The following STX8 variants were observed in gnomAD, a reference collection of about 807,000 sequenced individuals.
STX8 encodes the protein syntaxin 8.
STX8 carries 23 observed loss-of-function variants against 37.5 expected under a neutral mutation model. That is an observed-to-expected ratio of 0.61 (90% confidence interval 0.44 to 0.87). STX8 has a LOEUF of 0.87. Among genes scored for constraint, STX8 ranks in the 40% least tolerant of loss-of-function variants. The pLI, the probability that STX8 is intolerant of heterozygous loss-of-function variation, is 0.00. For missense variants in STX8, 313 were observed against 284.7 expected, an observed-to-expected ratio of 1.10 and a Z score of -0.71; for synonymous variants, 115 against 99.1, an observed-to-expected ratio of 1.16 and a Z score of -0.95.
intron 6 of STX8, among the ~76,000 whole-genome samples, chr17:9,468,861 C>T (rs1338844163): frequency 2.0e-5 from 3 of 152,170 alleles, no homozygotes; most frequent in Admixed American, 6.5e-5. Flanking sequence ...CAAAGCCAGC[C>T]GCTCCCTCTG....
At chr17:9,313,180 A>T (rs1909254023) in intron 7 of STX8, among the ~76,000 whole-genome samples, 1 of 152,116 alleles carries the variant, frequency 6.6e-6, no homozygotes, top group South Asian at 2.1e-4. Flanking sequence ...AACAAGAGTG[A>T]AACTCTGTCT....
At chr17:9,487,356 C>A (rs372184060) in intron 6 of STX8, among the ~76,000 whole-genome samples, 17 of 152,134 alleles carry the variant, frequency 1.1e-4, no homozygotes, top group Admixed American at 1.1e-3. Context: ...CCTTTTCCAG[C>A]GCCCCTGACT....
intron 4 of STX8, among the ~76,000 whole-genome samples, chr17:9,538,936 C>T (rs4239107): frequency 0.19 from 28,723 of 151,726 alleles, 3,431 homozygotes; most frequent in African/African-American, 0.33. Flanking sequence ...ATATAAAGGG[C>T]GGGAGGGTTT....
chr17:9,575,120 A>C (rs1003028572), intron 1 of STX8, among the ~76,000 whole-genome samples: 13 of 152,258 alleles, frequency 8.5e-5, no homozygotes, highest in Admixed American at 5.9e-4. Flanking sequence ...TGGGATCAAA[A>C]GTTGCATCTT....
chr17:9,432,738 C>G (rs182898051), intron 6 of STX8, among the ~76,000 whole-genome samples: 1 of 152,302 alleles, frequency 6.6e-6, no homozygotes, highest in Non-Finnish European at 1.5e-5. Flanking sequence ...AGCAGCTGGC[C>G]TATTTATTTT....
chr17:9,255,638 G>A (rs1210610876), intron 7 of STX8, among the ~76,000 whole-genome samples: 1 of 152,096 alleles, frequency 6.6e-6, no homozygotes, highest in East Asian at 1.9e-4. Context: ...GATAAGATGT[G>A]ATAAACTGGG....
intron 5 of STX8, among the ~76,000 whole-genome samples, chr17:9,495,397 T>G (rs564912487): frequency 6.6e-6 from 1 of 152,120 alleles, no homozygotes; most frequent in African/African-American, 2.4e-5. Context: ...TCTATATATA[T>G]AGGACTGAGG....
chr17:9,278,239 C>T lies in STX8; in HGVS notation c.644-27594G>A, dbSNP rs368000190. Among the ~76,000 whole-genome samples, 28 of 152,220 alleles carry T rather than the reference C, an allele frequency of 1.8e-4. No individual in the cohort carries two copies. In the East Asian group the frequency reaches 4.4e-3, roughly 24 times the overall value. The stretch of plus-strand genomic sequence containing the variant: ...GAGGCAGGTGGATCACCTGAGGTCG[C>T]GAGTTTGAAACCAGCCTGACCAACA... On this transcript the variant is annotated intron_variant, in intron 7 of 7. Transcript: ENST00000306357.
chr17:9,271,542 G>T (rs1907461282), intron 7 of STX8, among the ~76,000 whole-genome samples: 1 of 152,170 alleles, frequency 6.6e-6, no homozygotes, highest in South Asian at 2.1e-4. Flanking sequence ...ACGAAGTCAA[G>T]AGATCGAGAC....
At chr17:9,395,405 A>T (rs1316319928) in intron 6 of STX8, among the ~76,000 whole-genome samples, 1 of 152,082 alleles carries the variant, frequency 6.6e-6, no homozygotes, top group African/African-American at 2.4e-5. Flanking sequence ...AAGGAGTTCC[A>T]GACCAGACTG....
In STX8 at chr17:9,407,417, C is replaced by T. The variant is rs185765842; in HGVS notation, c.542-28764G>A. Among the ~76,000 whole-genome samples, 162 of 151,952 alleles carry T rather than the reference C, an allele frequency of 1.1e-3. 2 individuals carry two copies. The highest frequency in any genetic ancestry group is 3.6e-3 in the African/African-American group (148 of 41,272). On this transcript the variant is annotated intron_variant, in intron 6 of 7. Transcript: ENST00000306357. The stretch of plus-strand genomic sequence containing the variant: ...GGAGAGCTTGAATTAAAAACAACAA[C>T]AAAAACCACAACCAAACAATAGAAA...
intron 7 of STX8, among the ~76,000 whole-genome samples, chr17:9,359,079 G>C (rs1458023953): frequency 2.1e-5 from 3 of 146,182 alleles, no homozygotes; most frequent in Non-Finnish European, 4.5e-5. Flanking sequence ...TTTTGCTCTT[G>C]TTGCCCAGGC....
chr17:9,284,847 A>G (rs1908019317), intron 7 of STX8, among the ~76,000 whole-genome samples: 1 of 152,184 alleles, frequency 6.6e-6, no homozygotes, highest in African/African-American at 2.4e-5. Context: ...TTGACTTTCT[A>G]GGGGCCGAAA....
At position 9,351,453 on chromosome 17, in the gene STX8, G is replaced by A. The variant is rs114289751; in HGVS notation, c.643+27099C>T. On this transcript the variant is annotated intron_variant, in intron 7 of 7. Coordinates refer to ENST00000306357, the MANE Select transcript of STX8 (RefSeq NM_004853.3). ...ATTACAGGTGTGAGCCACGGCGCCC[G>A]GCCTATTCATTTCTAAAAACTTAAA... Among the ~76,000 whole-genome samples, 458 of 151,946 alleles carry A rather than the reference G, an allele frequency of 3.0e-3. 4 individuals carry two copies. The highest frequency in any genetic ancestry group is 0.01 in the African/African-American group (435 of 41,454).
intron 3 of STX8, chr17:9,552,692 G>GTCA (rs1906815153): frequency 7.9e-6 from 1 of 126,900 alleles, no homozygotes; most frequent in Admixed American, 8.9e-5. Context: ...TCGCTCTTTT[G>GTCA]CCCAGACTGG....
chr17:9,523,311 C>T (rs80139717), intron 4 of STX8, among the ~76,000 whole-genome samples: 1 of 123,282 alleles, frequency 8.1e-6, no homozygotes, highest in Admixed American at 8.3e-5. Context: ...GACTCCATCT[C>T]AAAAAAAAAA....
chr17:9,421,222 G>A (rs545627958), intron 6 of STX8, among the ~76,000 whole-genome samples: 11 of 151,830 alleles, frequency 7.2e-5, no homozygotes, highest in East Asian at 3.9e-4. Context: ...GAGAAACTCC[G>A]TCTCTACTAA....
chr17:9,382,155 G>T (rs1471688834), intron 6 of STX8, among the ~76,000 whole-genome samples: 1 of 145,964 alleles, frequency 6.9e-6, no homozygotes, highest in South Asian at 2.1e-4. Flanking sequence ...ACTTAAAAAA[G>T]AAACCAAGAA....
At chr17:9,425,926 T>A (rs1482687216) in intron 6 of STX8, among the ~76,000 whole-genome samples, 2 of 152,160 alleles carry the variant, frequency 1.3e-5, no homozygotes, top group Admixed American at 1.3e-4. Flanking sequence ...TGCACGCACG[T>A]ATGCACGCGC....
Sources: allele counts gnomAD v4.1 joint callset (sites outside exome capture counted in the v4.1 genomes callset), GRCh38; gene constraint gnomAD v4.1.1; transcripts MANE v1.5; gene names NCBI Gene and HGNC (gene_info 2026-07-23, HGNC 2026-07-21).